The following S100A8 variants were observed in gnomAD, a reference collection of about 807,000 sequenced individuals.
S100A8 encodes the protein S100 calcium binding protein A8.
A neutral mutation model predicts 4.2 loss-of-function variants in S100A8; 1 was observed. The ratio of observed to expected loss-of-function variants is 0.24; its 90% confidence interval spans 0.08 to 1.12. The LOEUF (loss-of-function observed/expected upper bound fraction) is 1.12, where lower values mean the gene tolerates loss of function less well. S100A8 is among the 50% of genes most tolerant of loss of function. S100A8 has a pLI of 0.53. For synonymous variants in S100A8, 41 were observed against 44.7 expected (o/e 0.92, Z 0.33); for missense variants, 96 against 111.8 (o/e 0.86, Z 0.64).
At chr1:153,397,446 G>T in the S100A8 span, among the ~76,000 whole-genome samples, 3 of 152,222 alleles carry the variant, frequency 2.0e-5, no homozygotes, top group African/African-American at 7.2e-5. Flanking sequence ...TCCGAGGCAG[G>T]CGGCCCAGAT....
chr1:153,394,688 G>A (rs549648068), upstream of S100A8, among the ~76,000 whole-genome samples: 3 of 152,290 alleles, frequency 2.0e-5, no homozygotes, highest in African/African-American at 7.2e-5. Context: ...TGGCAAGTGT[G>A]GGAGGGACAG....
At chr1:153,418,257 G>T in the S100A8 span, 1 of 1,605,574 alleles carries the variant, frequency 6.2e-7, no homozygotes, top group Non-Finnish European at 8.5e-7. Flanking sequence ...ATGTTGGTTG[G>T]ACCCTGGCAT....
intron 2 of S100A8, 37 bp from the exon 3 acceptor site, chr1:153,390,280 G>A: frequency 6.2e-7 from 1 of 1,603,502 alleles, no homozygotes; most frequent in Non-Finnish European, 8.5e-7. Flanking sequence ...AGAGTTTAAA[G>A]ATCTCAGAGA....
At chr1:153,401,076 AT>A in the S100A8 span, among the ~76,000 whole-genome samples, 1 of 152,182 alleles carries the variant, frequency 6.6e-6, no homozygotes, top group Non-Finnish European at 1.5e-5. Context: ...CCCAGTGATG[AT>A]CCCTTGCACA....
chr1:153,413,735 T>A, the S100A8 span, among the ~76,000 whole-genome samples: 1 of 152,138 alleles, frequency 6.6e-6, no homozygotes, highest in Non-Finnish European at 1.5e-5. Flanking sequence ...ACCCCATTTC[T>A]ATTAAAAATA....
chr1:153,397,917 C>T, the S100A8 span, among the ~76,000 whole-genome samples: 1 of 152,194 alleles, frequency 6.6e-6, no homozygotes, highest in Admixed American at 6.5e-5. Context: ...GGCTGTGACC[C>T]CCATGAGTGC....
upstream of S100A8, among the ~76,000 whole-genome samples, chr1:153,393,031 A>G (rs1662137651): frequency 6.6e-6 from 1 of 152,228 alleles, no homozygotes; most frequent in South Asian, 2.1e-4. Flanking sequence ...CGTATGTACT[A>G]TTATAATGCC....
At chr1:153,405,706 T>C in the S100A8 span, among the ~76,000 whole-genome samples, 1 of 152,326 alleles carries the variant, frequency 6.6e-6, no homozygotes, top group Non-Finnish European at 1.5e-5. Context: ...GGCATTAAGC[T>C]TGTCCCCCAC....
At chr1:153,416,618 C>T in the S100A8 span, 2 of 437,160 alleles carry the variant, frequency 4.6e-6, no homozygotes, top group Non-Finnish European at 9.2e-6. Flanking sequence ...CCCAGCCTGC[C>T]ATGCTGCCTG....
the S100A8 span, among the ~76,000 whole-genome samples, chr1:153,418,395 A>T: frequency 6.6e-5 from 10 of 152,184 alleles, no homozygotes; most frequent in African/African-American, 1.9e-4. Context: ...GTAGGCGAAA[A>T]AGTATGAAAA....
At chr1:153,397,274 AG>A in the S100A8 span, among the ~76,000 whole-genome samples, 1 of 151,728 alleles carries the variant, frequency 6.6e-6, no homozygotes, top group Non-Finnish European at 1.5e-5. Flanking sequence ...GCTGGTGCCC[AG>A]GGGGTCAGAG....
At chr1:153,416,631 G>C in the S100A8 span, 26 of 416,932 alleles carry the variant, frequency 6.2e-5, no homozygotes, top group Non-Finnish European at 1.1e-4. Context: ...GCTGCCTGTA[G>C]GAAGGGAAAG....
the S100A8 span, among the ~76,000 whole-genome samples, chr1:153,403,904 G>T: frequency 7.2e-5 from 11 of 152,036 alleles, no homozygotes; most frequent in South Asian, 6.2e-4. Context: ...CAAGGTGAAG[G>T]CTCAGCCCCA....
chr1:153,416,715 G>C, the S100A8 span, among the ~76,000 whole-genome samples: 1 of 152,216 alleles, frequency 6.6e-6, no homozygotes, highest in African/African-American at 2.4e-5. Flanking sequence ...ACCTTCACTT[G>C]ACCCCAAAAG....
chr1:153,390,780 A>T, intron 1 of S100A8: 1 of 598,694 alleles, frequency 1.7e-6, no homozygotes, highest in East Asian at 3.1e-5. Context: ...GTGCACACAC[A>T]CGGGGCCCGT....
At chr1:153,410,674 C>CA in the S100A8 span, among the ~76,000 whole-genome samples, 14 of 150,302 alleles carry the variant, frequency 9.3e-5, no homozygotes, top group South Asian at 2.1e-4. Flanking sequence ...AGAGACACAA[C>CA]AAAAAAAAAG....
chr1:153,399,880 TA>T, the S100A8 span, among the ~76,000 whole-genome samples: 1 of 152,112 alleles, frequency 6.6e-6, no homozygotes, highest in Non-Finnish European at 1.5e-5. Flanking sequence ...CCCGGGGCTG[TA>T]AAAGAGCGCG....
At chr1:153,391,355 A>T (rs530252199), upstream of S100A8, among the ~76,000 whole-genome samples, 1 of 152,258 alleles carries the variant, frequency 6.6e-6, no homozygotes, top group South Asian at 2.1e-4. Flanking sequence ...ATCCAGCCAG[A>T]TTCCCACTCC....
chr1:153,419,092 CA>C, the S100A8 span: 1 of 1,593,480 alleles, frequency 6.3e-7, no homozygotes. Context: ...CCTCCCAGCC[CA>C]AAACTTGTTT....
Sources: allele counts gnomAD v4.1 joint callset (sites outside exome capture counted in the v4.1 genomes callset), GRCh38; gene constraint gnomAD v4.1.1; transcripts MANE v1.5; gene names NCBI Gene and HGNC (gene_info 2026-07-23, HGNC 2026-07-21).